The following NPFFR2 variants were observed in gnomAD, a reference collection of about 807,000 sequenced individuals.
NPFFR2 encodes neuropeptide FF receptor 2, also known as G-protein coupled receptor 74.
In NPFFR2, 15 loss-of-function variants were observed where a neutral mutation model predicts 13.1. That is an observed-to-expected ratio of 1.15 (90% CI 0.77 to 1.76). NPFFR2 has a LOEUF of 1.76. Among genes scored for constraint, NPFFR2 ranks in the 40% most tolerant of loss-of-function variants. The pLI is 0.00. For synonymous variants in NPFFR2, 190 were observed against 175.7 expected (o/e 1.08, Z -0.65); for missense variants, 572 against 503.5 (o/e 1.14, Z -1.30).
chr4:72,092,054 C>G (rs1483259053), intron 1 of NPFFR2, among the ~76,000 whole-genome samples: 1 of 151,972 alleles, frequency 6.6e-6, no homozygotes, highest in Non-Finnish European at 1.5e-5. Context: ...TCATTCAATT[C>G]AAATAATTTT....
chr4:72,103,779 A>G (rs1721327766), intron 1 of NPFFR2, among the ~76,000 whole-genome samples: 1 of 152,134 alleles, frequency 6.6e-6, no homozygotes. Flanking sequence ...TGTCTTTATC[A>G]GAAACAAAAA....
intron 3 of NPFFR2, among the ~76,000 whole-genome samples, chr4:72,139,808 G>A (rs1275718490): frequency 2.0e-5 from 3 of 152,166 alleles, no homozygotes; most frequent in Non-Finnish European, 4.4e-5. Flanking sequence ...GTCAATGGTA[G>A]CTTGATGGAG....
At chr4:72,041,542 G>A (rs1719219902) in intron 1 of NPFFR2, among the ~76,000 whole-genome samples, 1 of 152,146 alleles carries the variant, frequency 6.6e-6, no homozygotes, top group African/African-American at 2.4e-5. Flanking sequence ...TTGAATGGTA[G>A]TTCTATTTTT....
chr4:72,098,567 G>T (rs1721137869), intron 1 of NPFFR2, among the ~76,000 whole-genome samples: 4 of 152,104 alleles, frequency 2.6e-5, no homozygotes. Flanking sequence ...TGTGGTCTAG[G>T]GAAGCCAAAA....
At chr4:72,066,299 A>G (rs964483667) in intron 1 of NPFFR2, among the ~76,000 whole-genome samples, 3 of 152,082 alleles carry the variant, frequency 2.0e-5, no homozygotes, top group Non-Finnish European at 4.4e-5. Context: ...CTCATGACCT[A>G]ATCACCTCTT....
chr4:72,051,546 A>C (rs1719581751), intron 1 of NPFFR2, among the ~76,000 whole-genome samples: 1 of 150,948 alleles, frequency 6.6e-6, no homozygotes, highest in Non-Finnish European at 1.5e-5. Flanking sequence ...AAAGCAGGGA[A>C]GATCCAAAAT....
chr4:72,048,654 T>A (rs373572775), intron 1 of NPFFR2, among the ~76,000 whole-genome samples: 5 of 152,228 alleles, frequency 3.3e-5, no homozygotes, highest in African/African-American at 9.6e-5. Context: ...ATATTTTAAA[T>A]GAAGTGGCTG....
At chr4:72,068,990 A>G (rs760985318) in intron 1 of NPFFR2, 2 of 1,414,700 alleles carry the variant, frequency 1.4e-6, no homozygotes, top group Admixed American at 2.9e-5. Context: ...GAATGTCTTA[A>G]TAAGAGTGAA....
At chr4:72,063,937 A>G (rs1475271716) in intron 1 of NPFFR2, among the ~76,000 whole-genome samples, 1 of 152,194 alleles carries the variant, frequency 6.6e-6, no homozygotes, top group East Asian at 1.9e-4. Flanking sequence ...CACAGAGGAG[A>G]AAACCAATGA....
chr4:72,074,021 CAGGGTTTCACTTTCCATGGTTTCA>C (rs1369769462), intron 1 of NPFFR2, among the ~76,000 whole-genome samples: 1 of 9,194 alleles, frequency 1.1e-4, no homozygotes, highest in Non-Finnish European at 3.6e-4. Context: ...TTTCACTTTC[CAGGGTTTCACTTTCCATGGTTTCA>C]GTTTCCCATA....
intron 3 of NPFFR2, among the ~76,000 whole-genome samples, chr4:72,140,198 T>C (rs773492559): frequency 2.6e-5 from 4 of 152,220 alleles, no homozygotes; most frequent in Non-Finnish European, 4.4e-5. Flanking sequence ...TGACGTCATC[T>C]GCAAAGAGGA....
intron 1 of NPFFR2, among the ~76,000 whole-genome samples, chr4:72,113,741 G>A (rs1721631922): frequency 6.6e-6 from 1 of 152,056 alleles, no homozygotes; most frequent in Admixed American, 6.6e-5. Context: ...ACAGCCCTGG[G>A]GGGTTGTCTG....
chr4:72,134,782 T>C (rs1468961714), intron 2 of NPFFR2, among the ~76,000 whole-genome samples: 1 of 152,080 alleles, frequency 6.6e-6, no homozygotes, highest in Non-Finnish European at 1.5e-5. Context: ...TTTCCCGGTG[T>C]TTTCTGTTCT....
intron 1 of NPFFR2, among the ~76,000 whole-genome samples, chr4:72,042,623 TG>T (rs1719253627): frequency 6.6e-6 from 1 of 152,170 alleles, no homozygotes; most frequent in African/African-American, 2.4e-5. Context: ...AGGAACTTGT[TG>T]GGAACTGGAG....
chr4:72,044,073 AG>A (rs1284534685), intron 1 of NPFFR2, among the ~76,000 whole-genome samples: 3 of 152,172 alleles, frequency 2.0e-5, no homozygotes, highest in Non-Finnish European at 4.4e-5. Flanking sequence ...TGGTTTTATA[AG>A]GGGCTTTTCC....
At chr4:72,121,826 T>C (rs1441982435) in intron 1 of NPFFR2, among the ~76,000 whole-genome samples, 5 of 152,106 alleles carry the variant, frequency 3.3e-5, no homozygotes, top group African/African-American at 7.2e-5. Context: ...ATCAACGCTA[T>C]GAAGAAACTG....
intron 1 of NPFFR2, among the ~76,000 whole-genome samples, chr4:72,122,018 A>T (rs1010713420): frequency 5.9e-5 from 9 of 152,182 alleles, no homozygotes; most frequent in Admixed American, 5.9e-4. Flanking sequence ...TCTCACTTGC[A>T]AAGAAACAAA....
Position 72,128,591 on chromosome 4 carries a change from C to T in NPFFR2, c.-1C>T. ...CTGTCTCTTCTTTATTAAGGTTCATCATGAATGAGAAATGGGACACAAACT... is the reference window on the plus strand; with the variant it reads ...CTGTCTCTTCTTTATTAAGGTTCATTATGAATGAGAAATGGGACACAAACT... On this transcript the variant is annotated 5_prime_UTR_variant, in exon 2 of 4. Coordinates refer to ENST00000308744, the MANE Select transcript of NPFFR2 (RefSeq NM_004885.3). The T allele has an allele frequency of 6.3e-7, 1 of 1,591,344 alleles. No individual in the cohort carries two copies. Among genetic ancestry groups the T allele is most frequent in the South Asian group, 1.1e-5 (1 of 88,490 alleles).
chr4:72,095,825 C>G (rs888343133), intron 1 of NPFFR2, among the ~76,000 whole-genome samples: 26 of 152,122 alleles, frequency 1.7e-4, no homozygotes, highest in African/African-American at 6.3e-4. Context: ...TCAGAAAGTT[C>G]ACGGGGCTTA....
Sources: allele counts gnomAD v4.1 joint callset (sites outside exome capture counted in the v4.1 genomes callset), GRCh38; gene constraint gnomAD v4.1.1; transcripts MANE v1.5; gene names NCBI Gene and HGNC (gene_info 2026-07-23, HGNC 2026-07-21).